RIC3: variants seen among roughly 807,000 people sequenced by gnomAD.
RIC3 encodes protein RIC-3.
A neutral mutation model predicts 27.3 loss-of-function variants in RIC3; 28 were observed. That is an observed-to-expected ratio of 1.02 (90% CI 0.76 to 1.41). The LOEUF is 1.41. RIC3 is among the 40% of genes most tolerant of loss of function. The probability of loss-of-function intolerance (pLI) is 0.00; values close to 1 mark genes in which losing one functional copy is unlikely to be tolerated. For missense variants in RIC3, 501 were observed against 444.7 expected (o/e 1.13, Z -1.14); for synonymous variants, 184 against 160.4 (o/e 1.15, Z -1.11).
chr11:8,102,310 G>T (rs1487460462), downstream of RIC3: 1 of 152,152 alleles, frequency 6.6e-6, no homozygotes, highest in Non-Finnish European at 1.5e-5. Flanking sequence ...CAGGTTTGCT[G>T]TGTCTCACAG....
chr11:8,159,837 A>T (rs2134257170), intron 1 of RIC3, among the ~76,000 whole-genome samples: 1 of 151,840 alleles, frequency 6.6e-6, no homozygotes, highest in South Asian at 2.1e-4. Context: ...CTAAAAATAC[A>T]AAAAAAATTA....
At chr11:8,157,134 T>C (rs887306018) in intron 1 of RIC3, among the ~76,000 whole-genome samples, 1 of 152,164 alleles carries the variant, frequency 6.6e-6, no homozygotes, top group African/African-American at 2.4e-5. Flanking sequence ...TCTGTGATCA[T>C]GACGGATCAA....
intron 4 of RIC3, among the ~76,000 whole-genome samples, chr11:8,132,734 T>C (rs935665086): frequency 6.6e-6 from 1 of 152,250 alleles, no homozygotes; most frequent in African/African-American, 2.4e-5. Context: ...AGTTATGGAA[T>C]ATTATATAAA....
chr11:8,094,984 G>A, the RIC3 span, among the ~76,000 whole-genome samples: 1 of 152,362 alleles, frequency 6.6e-6, no homozygotes, highest in Admixed American at 6.5e-5. Flanking sequence ...CGTAGGATGG[G>A]AGATGCTCCA....
chr11:8,132,893 T>A (rs1243280410), intron 4 of RIC3, among the ~76,000 whole-genome samples: 2 of 152,104 alleles, frequency 1.3e-5, no homozygotes, highest in African/African-American at 4.8e-5. Context: ...AAAGAACAAA[T>A]GCCACAGAAA....
chr11:8,146,129 G>GA (rs1949652295), intron 1 of RIC3, among the ~76,000 whole-genome samples: 1 of 152,210 alleles, frequency 6.6e-6, no homozygotes, highest in Non-Finnish European at 1.5e-5. Flanking sequence ...GTGTAGTAGG[G>GA]AGTTTGAAGT....
chr11:8,126,025 G>A, intron 5 of RIC3, among the ~76,000 whole-genome samples: 1 of 152,130 alleles, frequency 6.6e-6, no homozygotes, highest in Non-Finnish European at 1.5e-5. Context: ...GCGACAAAGT[G>A]AGACTGTCTT....
At chr11:8,105,657 T>TG (rs1380448939), downstream of RIC3, 1 of 152,174 alleles carries the variant, frequency 6.6e-6, no homozygotes, top group Non-Finnish European at 1.5e-5. Context: ...CCGTAGGATT[T>TG]GGGGTGAATG....
chr11:8,117,903 G>A (rs189528403), intron 5 of RIC3, among the ~76,000 whole-genome samples: 3 of 152,062 alleles, frequency 2.0e-5, no homozygotes, highest in African/African-American at 7.2e-5. Flanking sequence ...GGTAGCCTAT[G>A]TAAGCCATCA....
downstream of RIC3, chr11:8,104,656 C>T (rs1488365909): frequency 6.6e-6 from 1 of 151,914 alleles, no homozygotes; most frequent in African/African-American, 2.4e-5. Flanking sequence ...CAGAGGACAC[C>T]ATCCAAGAAT....
chr11:8,141,343 A>G (rs552982553), intron 1 of RIC3, among the ~76,000 whole-genome samples: 1 of 152,258 alleles, frequency 6.6e-6, no homozygotes, highest in South Asian at 2.1e-4. Flanking sequence ...AGATCTACCA[A>G]GCAAATGGAA....
At chr11:8,140,240 T>C (rs749791407) in intron 1 of RIC3, 47 bp from the exon 2 acceptor site, 30 of 1,526,308 alleles carry the variant, frequency 2.0e-5, no homozygotes, top group East Asian at 1.8e-4. Flanking sequence ...ATTTTAAAGA[T>C]GGCTATCATG....
At chr11:8,135,900 T>C (rs1318703011) in intron 4 of RIC3, 2 of 152,214 alleles carry the variant, frequency 1.3e-5, no homozygotes, top group African/African-American at 4.8e-5. Context: ...ATTGGTTTAG[T>C]CACACTCATA....
intron 1 of RIC3, among the ~76,000 whole-genome samples, chr11:8,145,565 G>T (rs1429442699): frequency 3.3e-5 from 5 of 152,236 alleles, no homozygotes; most frequent in African/African-American, 1.2e-4. Flanking sequence ...GAACAGACAG[G>T]ATGGATATAG....
At chr11:8,137,762 G>C (rs1029523362) in intron 3 of RIC3, among the ~76,000 whole-genome samples, 1 of 143,050 alleles carries the variant, frequency 7.0e-6, no homozygotes, top group African/African-American at 2.6e-5. Context: ...TCTTACTTGC[G>C]GGTGGTAAAT....
At chr11:8,136,611 A>T (rs1393264749) in intron 4 of RIC3, among the ~76,000 whole-genome samples, 1 of 152,232 alleles carries the variant, frequency 6.6e-6, no homozygotes, top group Non-Finnish European at 1.5e-5. Flanking sequence ...CTAAACGGCC[A>T]GTTTGGCTCT....
chr11:8,097,589 T>TTG, the RIC3 span: 1 of 1,301,658 alleles, frequency 7.7e-7, no homozygotes, highest in Non-Finnish European at 1.1e-6. Context: ...TCCAGTGCAT[T>TTG]TGTGTGTGTG....
At chr11:8,119,813 A>AGCCCTTTG (rs2133473640) in intron 5 of RIC3, among the ~76,000 whole-genome samples, 1 of 152,348 alleles carries the variant, frequency 6.6e-6, no homozygotes, top group South Asian at 2.1e-4. Flanking sequence ...AAGGGCTAAT[A>AGCCCTTTG]TCTAGAATCT....
At chr11:8,135,280 A>T (rs1257867314) in intron 4 of RIC3, among the ~76,000 whole-genome samples, 7 of 152,206 alleles carry the variant, frequency 4.6e-5, no homozygotes, top group African/African-American at 1.7e-4. Flanking sequence ...TTTGTCAAAG[A>T]TCAGATAGTT....
Sources: gnomAD v4.1 joint callset for allele counts (sites outside exome capture counted in the v4.1 genomes callset) on GRCh38, gnomAD v4.1.1 for gene constraint, MANE v1.5 for transcripts, NCBI Gene and HGNC (gene_info 2026-07-23, HGNC 2026-07-21) for gene names.